Variants in THSD7B observed in about 807,000 individuals in gnomAD.
The protein encoded by THSD7B is thrombospondin type-1 domain-containing protein 7B.
In THSD7B, 138 loss-of-function variants were observed where a neutral mutation model predicts 213.6. That is an observed-to-expected ratio of 0.65 (90% CI 0.56 to 0.74). THSD7B has a LOEUF of 0.74. Among genes scored for constraint, THSD7B ranks in the 30% least tolerant of loss-of-function variants. THSD7B has a pLI of 0.00. For missense variants in THSD7B, 1,931 were observed against 1,991.5 expected (o/e 0.97, Z 0.58); for synonymous variants, 742 against 687.0 (o/e 1.08, Z -1.25).
chr2:137,478,432 T>C (rs537691572), intron 15 of THSD7B, among the ~76,000 whole-genome samples: 81 of 152,326 alleles, frequency 5.3e-4, no homozygotes, highest in African/African-American at 1.8e-3. Flanking sequence ...TTTTTTGTTG[T>C]TGTTGTTATC....
intron 2 of THSD7B, among the ~76,000 whole-genome samples, chr2:136,928,662 A>T (rs1004031273): frequency 1.1e-4 from 17 of 152,226 alleles, no homozygotes; most frequent in African/African-American, 4.1e-4. Flanking sequence ...AATACCCATA[A>T]TTCATAATTG....
At chr2:137,461,208 A>G (rs1558804377) in intron 15 of THSD7B, among the ~76,000 whole-genome samples, 1 of 152,142 alleles carries the variant, frequency 6.6e-6, no homozygotes. Context: ...ACACATATGT[A>G]TGCATTTCTA....
intron 2 of THSD7B, among the ~76,000 whole-genome samples, chr2:137,037,453 T>C (rs1051401379): frequency 3.3e-5 from 5 of 152,000 alleles, no homozygotes; most frequent in Admixed American, 3.3e-4. Flanking sequence ...GAAGGCATGT[T>C]GTGAATACTG....
intron 21 of THSD7B, among the ~76,000 whole-genome samples, chr2:137,654,699 T>C (rs144178834): frequency 6.6e-6 from 1 of 152,288 alleles, no homozygotes; most frequent in Admixed American, 6.5e-5. Flanking sequence ...ATCCTCATAT[T>C]TGAGCTCTGA....
intron 1 of THSD7B, among the ~76,000 whole-genome samples, chr2:136,794,849 AAAAAG>A (rs2104917098): frequency 6.6e-6 from 1 of 152,078 alleles, no homozygotes; most frequent in South Asian, 2.1e-4. Context: ...CCTCAGATTA[AAAAAG>A]AATTAGGATA....
chr2:137,605,193 T>C (rs879750554), intron 17 of THSD7B, among the ~76,000 whole-genome samples: 1 of 152,190 alleles, frequency 6.6e-6, no homozygotes, highest in Non-Finnish European at 1.5e-5. Flanking sequence ...AAGTACATAG[T>C]GATGCTGAGT....
intron 2 of THSD7B, among the ~76,000 whole-genome samples, chr2:136,961,428 G>A (rs549644968): frequency 1.4e-4 from 21 of 151,932 alleles, no homozygotes; most frequent in Non-Finnish European, 2.6e-4. Flanking sequence ...CACCATGTTA[G>A]CCAGGATGGT....
At position 136,978,891 on chromosome 2, in the gene THSD7B, G is replaced by A. The variant is rs138099021; in HGVS notation, c.140-77529G>A. ...CTGCTTTATAGTGTCAATGGTCTGT[G>A]TACTTCAGTGTTTTTTTTTTTTGTA... On this transcript the variant is annotated intron_variant, in intron 2 of 27. Transcript: ENST00000409968. Among the ~76,000 whole-genome samples, 92 of 149,484 alleles carry A rather than the reference G, an allele frequency of 6.2e-4. 2 individuals are homozygous for A. The East Asian group carries it at 0.017, about 28-fold the overall frequency.
chr2:136,939,870 C>T (rs1684791046), intron 2 of THSD7B, among the ~76,000 whole-genome samples: 1 of 152,056 alleles, frequency 6.6e-6, no homozygotes, highest in Non-Finnish European at 1.5e-5. Flanking sequence ...TCCCTACCAC[C>T]ACCCCCCGAC....
intron 3 of THSD7B, among the ~76,000 whole-genome samples, chr2:137,092,960 A>G (rs1471136510): frequency 2.0e-5 from 3 of 152,152 alleles, no homozygotes; most frequent in African/African-American, 7.2e-5. Context: ...TTTAAACCAC[A>G]TTCAGAGGAA....
chr2:137,219,839 G>C (rs1681327479), intron 7 of THSD7B, among the ~76,000 whole-genome samples: 1 of 152,046 alleles, frequency 6.6e-6, no homozygotes, highest in African/African-American at 2.4e-5. Flanking sequence ...ATACTAAATG[G>C]ATACTAAATA....
At chr2:137,541,349 ACTGT>A (rs1474141533) in intron 15 of THSD7B, among the ~76,000 whole-genome samples, 1 of 151,706 alleles carries the variant, frequency 6.6e-6, no homozygotes. Context: ...GTCACTAGAA[ACTGT>A]CTGAGGAAGC....
intron 9 of THSD7B, among the ~76,000 whole-genome samples, chr2:137,238,832 C>T (rs974195034): frequency 2.0e-5 from 3 of 151,724 alleles, no homozygotes; most frequent in Admixed American, 6.6e-5. Context: ...GGATTACAGG[C>T]GTGAGCCACC....
At chr2:136,874,272 A>C (rs1683490207) in intron 1 of THSD7B, among the ~76,000 whole-genome samples, 1 of 152,150 alleles carries the variant, frequency 6.6e-6, no homozygotes. Flanking sequence ...CTTATCTCTA[A>C]AGTGGGGCAT....
At chr2:137,554,215 A>C (rs2105210450) in intron 15 of THSD7B, among the ~76,000 whole-genome samples, 1 of 152,286 alleles carries the variant, frequency 6.6e-6, no homozygotes, top group South Asian at 2.1e-4. Context: ...TCTCTAGAGA[A>C]TTAAGTGAGG....
chr2:137,317,595 G>A (rs1401954285), intron 12 of THSD7B, among the ~76,000 whole-genome samples: 3 of 152,130 alleles, frequency 2.0e-5, no homozygotes, highest in Admixed American at 6.5e-5. Flanking sequence ...CACAAAACGT[G>A]GGCTTTAAAA....
chr2:137,161,183 A>AGTTTGTAATCAAAATACGT (rs1434297293), intron 6 of THSD7B, among the ~76,000 whole-genome samples: 2 of 152,126 alleles, frequency 1.3e-5, no homozygotes, highest in African/African-American at 4.8e-5. Context: ...AGTTTTCTTT[A>AGTTTGTAATCAAAATACGT]GTTTGTAATC....
At chr2:137,564,049 A>C (rs1378039348) in intron 16 of THSD7B, among the ~76,000 whole-genome samples, 2 of 152,238 alleles carry the variant, frequency 1.3e-5, no homozygotes, top group East Asian at 3.8e-4. Context: ...AGACAATTAA[A>C]ACAGCAGAAG....
intron 20 of THSD7B, among the ~76,000 whole-genome samples, chr2:137,626,306 C>CA (rs1221025804): frequency 1.3e-5 from 2 of 151,864 alleles, no homozygotes; most frequent in Non-Finnish European, 2.9e-5. Context: ...ACCAAAAATA[C>CA]AAAAAAATTT....
Sources: gnomAD v4.1 joint callset for allele counts (sites outside exome capture counted in the v4.1 genomes callset) on GRCh38, gnomAD v4.1.1 for gene constraint, MANE v1.5 for transcripts, NCBI Gene and HGNC (gene_info 2026-07-23, HGNC 2026-07-21) for gene names.